The following ARHGEF28 variants were observed in gnomAD, a reference collection of about 807,000 sequenced individuals.
ARHGEF28 encodes 190 kDa guanine nucleotide exchange factor.
A neutral mutation model predicts 206.6 loss-of-function variants in ARHGEF28; 152 were observed. That is an observed-to-expected ratio of 0.74 (90% CI 0.64 to 0.84). The LOEUF is 0.84. ARHGEF28 is among the 40% of genes least tolerant of loss of function. The pLI is 0.00. For synonymous variants in ARHGEF28, 763 were observed against 776.4 expected (o/e 0.98, Z 0.29); for missense variants, 2,028 against 2,073.2 (o/e 0.98, Z 0.42).
intron 21 of ARHGEF28, among the ~76,000 whole-genome samples, chr5:73,871,023 T>G (rs78288255): frequency 1.1e-4 from 17 of 152,292 alleles, no homozygotes; most frequent in African/African-American, 4.1e-4. Context: ...ATGAGTGTGC[T>G]TAGAACTCTG....
chr5:73,694,989 A>G (rs1748099869), intron 2 of ARHGEF28, among the ~76,000 whole-genome samples: 1 of 152,254 alleles, frequency 6.6e-6, no homozygotes, highest in Admixed American at 6.5e-5. Context: ...CAAGGCTATG[A>G]CATGGCAGAG....
chr5:73,886,251 A>G (rs537234543), intron 25 of ARHGEF28, 147 bp downstream of exon 25: 3 of 1,075,110 alleles, frequency 2.8e-6, no homozygotes, highest in South Asian at 2.4e-5. Flanking sequence ...GTGAATTTCA[A>G]TAGGCAAATT....
intron 29 of ARHGEF28, among the ~76,000 whole-genome samples, chr5:73,896,353 C>A (rs777579409): frequency 3.9e-5 from 6 of 151,996 alleles, no homozygotes; most frequent in South Asian, 2.1e-4. Context: ...CGGGGGTCAC[C>A]GTTAGATGAG....
chr5:73,938,541 C>T (rs1361871172), intron 35 of ARHGEF28, among the ~76,000 whole-genome samples: 1 of 152,100 alleles, frequency 6.6e-6, no homozygotes, highest in Non-Finnish European at 1.5e-5. Flanking sequence ...TCTGGCTGGC[C>T]CTTCTGTTGG....
In ARHGEF28 at chr5:73,909,545, GGCA is replaced by G. The variant is rs760244466; in HGVS notation, c.4299_4301del (p.Gln1433del). 6.3e-7 allele frequency: 1 copy of G among 1,583,756 alleles called. No homozygotes were observed. ...GACCAGAAGTCTCGCGACGCGGACA[GGCA>G]GCATGAGGAGCTGGCCAATGTGCAC... On this transcript the variant is annotated inframe_deletion, in exon 34 of 36. Coordinates refer to ENST00000513042, the MANE Select transcript of ARHGEF28 (RefSeq NM_001177693.2).
intron 4 of ARHGEF28, among the ~76,000 whole-genome samples, chr5:73,759,889 T>C (rs1752510991): frequency 6.6e-6 from 1 of 152,252 alleles, no homozygotes; most frequent in African/African-American, 2.4e-5. Context: ...CTAGCAATGT[T>C]TGACAGAGAA....
chr5:73,868,189 T>C lies in ARHGEF28; in HGVS notation c.2387T>C (p.Met796Thr). Residue 796 changes from methionine to threonine, a missense_variant, in exon 20 of 36, where the codon ATG (methionine) becomes ACG (threonine). Met to Thr is a moderately conservative substitution (Grantham distance 81, BLOSUM62 -1). This residue lies in a region of ARHGEF28 where 1,002 missense variants were observed against 1,015.3 expected (regional missense o/e 0.99). Transcript: ENST00000513042. Reference sequence around the variant, plus strand: ...CATTCTGATGAGCTGCTACAGTCCATGGGCTCTTCTCCCTCTACAGAGTCT... The same window carrying C: ...CATTCTGATGAGCTGCTACAGTCCACGGGCTCTTCTCCCTCTACAGAGTCT... Reference protein sequence around the residue: ...RSHSDELLQSMGSSPSTESFI... With the variant: ...RSHSDELLQSTGSSPSTESFI... 6.3e-7 allele frequency: 1 copy of C among 1,597,810 alleles called. No homozygotes were observed. The highest frequency in any genetic ancestry group is 8.5e-7 in the Non-Finnish European group (1 of 1,171,418).
chr5:73,879,243 A>G (rs1274374723), intron 22 of ARHGEF28, among the ~76,000 whole-genome samples: 1 of 151,924 alleles, frequency 6.6e-6, no homozygotes, highest in Non-Finnish European at 1.5e-5. Flanking sequence ...TGCATTCTTC[A>G]TGTAGTTCTC....
chr5:73,866,390 G>A (rs77238073), intron 18 of ARHGEF28, among the ~76,000 whole-genome samples: 2,145 of 152,288 alleles, frequency 0.014, 46 homozygotes, highest in African/African-American at 0.045. Context: ...TAGCAGTAGC[G>A]TAGTATAGCA....
chr5:73,821,011 C>T (rs1756552647), intron 9 of ARHGEF28, among the ~76,000 whole-genome samples: 1 of 152,152 alleles, frequency 6.6e-6, no homozygotes. Flanking sequence ...CACTGTTCTT[C>T]AGAGGCAGGG....
intron 35 of ARHGEF28, among the ~76,000 whole-genome samples, chr5:73,932,183 T>C (rs1764164508): frequency 6.6e-6 from 1 of 152,232 alleles, no homozygotes; most frequent in South Asian, 2.1e-4. Context: ...TGTAAACTAC[T>C]AAAGTTTGAT....
intron 14 of ARHGEF28, among the ~76,000 whole-genome samples, chr5:73,855,347 G>T (rs557720652): frequency 1.3e-5 from 2 of 152,220 alleles, no homozygotes; most frequent in South Asian, 4.2e-4. Context: ...GATGGTTTAA[G>T]TTTTCATATT....
chr5:73,876,061 G>C (rs1242718254), intron 22 of ARHGEF28, among the ~76,000 whole-genome samples: 1 of 148,110 alleles, frequency 6.8e-6, no homozygotes, highest in Admixed American at 6.7e-5. Context: ...AGCATAGAAT[G>C]TTCTTCCATT....
intron 2 of ARHGEF28, among the ~76,000 whole-genome samples, chr5:73,719,779 C>T (rs1024991569): frequency 2.0e-5 from 3 of 152,240 alleles, no homozygotes; most frequent in Non-Finnish European, 2.9e-5. Context: ...TGTAAATATG[C>T]GCAAGGTGAA....
At chr5:73,915,373 A>G (rs1763153639) in intron 35 of ARHGEF28, among the ~76,000 whole-genome samples, 1 of 152,224 alleles carries the variant, frequency 6.6e-6, no homozygotes, top group Non-Finnish European at 1.5e-5. Flanking sequence ...ATTTTTTAAG[A>G]TAGAACTTTA....
intron 25 of ARHGEF28, 22 bp downstream of exon 25, chr5:73,886,126 A>G (rs776851032): frequency 1.3e-6 from 2 of 1,590,400 alleles, no homozygotes; most frequent in African/African-American, 2.7e-5. Flanking sequence ...CTACCAGACC[A>G]ATTTCTCCCT....
In ARHGEF28 at chr5:73,867,876, A is replaced by C. The variant is rs556517499; in HGVS notation, c.2153A>C (p.Asn718Thr). The C allele has an allele frequency of 1.4e-4, 227 of 1,613,926 alleles. 2 individuals carry two copies. In the South Asian group the frequency reaches 2.1e-3, roughly 15 times the overall value. Residue 718 changes from asparagine to threonine, a missense_variant and splice_region_variant, in exon 19 of 36, where the codon AAT becomes ACT. Around this residue, in one of 3 missense-constraint regions of ARHGEF28, gnomAD observed 1,002 missense variants for 1,015.3 expected, o/e 0.99. Coordinates refer to ENST00000513042, the MANE Select transcript of ARHGEF28 (RefSeq NM_001177693.2). ...ATGAAGCATCTGTTCTGATTTCCAG[A>C]TTCTTCATTTAGAGACATCCCACAG... ...NKNKPQTILG[N>T]SSFRDIPQPG...
intron 35 of ARHGEF28, among the ~76,000 whole-genome samples, chr5:73,911,902 GT>G (rs1762928020): frequency 6.6e-6 from 1 of 152,100 alleles, no homozygotes; most frequent in East Asian, 1.9e-4. Flanking sequence ...CCCCACTATT[GT>G]GGACCCCACT....
Position 73,894,449 on chromosome 5 carries a change from A to G in ARHGEF28, c.3715A>G (p.Ile1239Val). 3.1e-6 allele frequency: 5 copies of G among 1,613,840 alleles called. No homozygotes were observed. Among genetic ancestry groups the G allele is most frequent in the Non-Finnish European group, 3.4e-6 (4 of 1,179,844 alleles). ...ICAYLEEKLHIYAELGELSGF... is the reference protein window; with the variant it reads ...ICAYLEEKLHVYAELGELSGF... ...TGCGTATTTGGAGGAGAAGCTGCAT[A>G]TCTATGCTGAACTTGGAGAACTGAG... Residue 1239 changes from isoleucine (I) to valine (V), a missense_variant, in exon 29 of 36, where the codon ATC (isoleucine) becomes GTC (valine). By Grantham distance (29) the Ile-to-Val change is conservative. Coordinates refer to ENST00000513042, the MANE Select transcript of ARHGEF28 (RefSeq NM_001177693.2).
Sources: allele counts gnomAD v4.1 joint callset (sites outside exome capture counted in the v4.1 genomes callset), GRCh38; gene constraint gnomAD v4.1.1; regional missense constraint gnomAD v4.1.1; transcripts MANE v1.5; gene names NCBI Gene and HGNC (gene_info 2026-07-23, HGNC 2026-07-21).